KATNAL1: variants seen among roughly 807,000 people sequenced by gnomAD.
The protein encoded by KATNAL1 is katanin p60 ATPase-containing subunit A-like 1.
KATNAL1 carries 32 observed loss-of-function variants against 55.2 expected under a neutral mutation model. The observed-to-expected ratio is 0.58, with a 90% CI of 0.44 to 0.78. KATNAL1 has a LOEUF of 0.78. KATNAL1 is among the 30% of genes least tolerant of loss of function. The pLI, the probability that KATNAL1 is intolerant of heterozygous loss-of-function variation, is 0.00. For missense variants in KATNAL1, 466 were observed against 600.9 expected, an observed-to-expected ratio of 0.78 and a Z score of 2.35; for synonymous variants, 193 against 193.6, an observed-to-expected ratio of 1.00 and a Z score of 0.02.
chr13:30,223,795 G>A (rs1384635038), intron 9 of KATNAL1, among the ~76,000 whole-genome samples: 1 of 152,126 alleles, frequency 6.6e-6, no homozygotes, highest in Admixed American at 6.5e-5. Flanking sequence ...CTCAGTAACT[G>A]ACAGAAAAAC....
At chr13:30,261,044 A>AAG (rs1162464191) in intron 3 of KATNAL1, among the ~76,000 whole-genome samples, 1 of 152,048 alleles carries the variant, frequency 6.6e-6, no homozygotes, top group Non-Finnish European at 1.5e-5. Flanking sequence ...TACAAGCCAG[A>AAG]AGAGAGTGGG....
intron 4 of KATNAL1, among the ~76,000 whole-genome samples, chr13:30,241,888 G>C (rs1251440749): frequency 6.6e-6 from 1 of 152,160 alleles, no homozygotes; most frequent in Non-Finnish European, 1.5e-5. Context: ...TGACCAAACA[G>C]TATTCTGGTA....
At chr13:30,262,449 CA>C (rs1267821077) in intron 3 of KATNAL1, among the ~76,000 whole-genome samples, 1 of 151,374 alleles carries the variant, frequency 6.6e-6, no homozygotes, top group African/African-American at 2.4e-5. Context: ...TTGAAAGGAT[CA>C]AAAAAATGGA....
At chr13:30,288,385 G>A (rs952008654) in intron 1 of KATNAL1, among the ~76,000 whole-genome samples, 1 of 152,086 alleles carries the variant, frequency 6.6e-6, no homozygotes, top group Non-Finnish European at 1.5e-5. Context: ...CACTTACATC[G>A]AGTTCTAAAA....
Position 30,231,303 on chromosome 13 carries a change from T to C in KATNAL1, c.885+11A>G. The stretch of plus-strand genomic sequence containing the variant: ...CACACTACTTTGAAATCTGAATATA[T>C]CGTCACTCACCATCTCAAACAACAG... On this transcript the variant is annotated intron_variant, in intron 7 of 10. Coordinates refer to ENST00000380615, the MANE Select transcript of KATNAL1 (RefSeq NM_032116.5). 2.5e-6 allele frequency: 4 copies of C among 1,599,976 alleles called. No homozygotes were observed. The highest frequency in any genetic ancestry group is 3.4e-6 in the Non-Finnish European group (4 of 1,172,840).
intron 3 of KATNAL1, among the ~76,000 whole-genome samples, chr13:30,262,449 C>A (rs545722962): frequency 6.6e-6 from 1 of 151,370 alleles, no homozygotes; most frequent in East Asian, 1.9e-4. Flanking sequence ...TTGAAAGGAT[C>A]AAAAAAATGG....
At chr13:30,211,130 A>C (rs188114713) in intron 9 of KATNAL1, among the ~76,000 whole-genome samples, 72 of 152,336 alleles carry the variant, frequency 4.7e-4, no homozygotes, top group Admixed American at 4.2e-3. Context: ...AAGATAATGC[A>C]TTACTAGTTT....
intron 4 of KATNAL1, among the ~76,000 whole-genome samples, chr13:30,243,025 T>C (rs181165140): frequency 6.6e-6 from 1 of 152,266 alleles, no homozygotes; most frequent in African/African-American, 2.4e-5. Flanking sequence ...AAAGCTAACC[T>C]CTCCAAGATA....
chr13:30,271,878 GAAAAAAAAAAAA>G (rs71299873), intron 3 of KATNAL1, among the ~76,000 whole-genome samples: 5 of 76,792 alleles, frequency 6.5e-5, no homozygotes, highest in Admixed American at 1.5e-4. Context: ...AAGAAAAGAG[GAAAAAAAAAAAA>G]AAAAAAAAAA....
intron 6 of KATNAL1, among the ~76,000 whole-genome samples, chr13:30,236,278 C>A (rs1250086689): frequency 1.3e-5 from 2 of 152,150 alleles, no homozygotes; most frequent in African/African-American, 4.8e-5. Context: ...ATAAGAGTGA[C>A]CTGGGGACCC....
chr13:30,281,065 C>A (rs578043062), intron 2 of KATNAL1, among the ~76,000 whole-genome samples: 3 of 134,332 alleles, frequency 2.2e-5, no homozygotes, highest in African/African-American at 5.9e-5. Context: ...CCCAGGAGTT[C>A]GAGGCTACAA....
chr13:30,252,439 T>C (rs1037495674), intron 4 of KATNAL1, among the ~76,000 whole-genome samples: 1 of 152,214 alleles, frequency 6.6e-6, no homozygotes, highest in Non-Finnish European at 1.5e-5. Context: ...CAATTTTTTT[T>C]ACATCTATAA....
chr13:30,252,202 G>A (rs1878380642), intron 4 of KATNAL1, among the ~76,000 whole-genome samples: 1 of 152,158 alleles, frequency 6.6e-6, no homozygotes, highest in Non-Finnish European at 1.5e-5. Flanking sequence ...AAATAATGCT[G>A]AGCTCACAGG....
rs1378334855 is a variant in KATNAL1 at position 30,206,908 on chromosome 13, AT to A, written c.*1631del. Reference sequence around the variant, plus strand: ...AAATCATGATGTCTTATGATCTGGCATCTTATAATCTGTGTCTCAGAAAGAA... The same window carrying A: ...AAATCATGATGTCTTATGATCTGGCACTTATAATCTGTGTCTCAGAAAGAA... On this transcript the variant is annotated 3_prime_UTR_variant, in exon 11 of 11. Coordinates refer to ENST00000380615, the MANE Select transcript of KATNAL1 (RefSeq NM_032116.5). 3 of 152,312 alleles carry A rather than the reference AT, an allele frequency of 2.0e-5. No individual in the cohort carries two copies. The East Asian group carries it at 5.8e-4, about 29-fold the overall frequency. 9.4% of individuals were successfully genotyped at this position (152,312 alleles called of 1,614,324 possible).
intron 9 of KATNAL1, among the ~76,000 whole-genome samples, chr13:30,217,870 C>T (rs1874445980): frequency 6.6e-6 from 1 of 152,128 alleles, no homozygotes; most frequent in Non-Finnish European, 1.5e-5. Flanking sequence ...AGTCAACAAA[C>T]AGGACTCTGG....
intron 9 of KATNAL1, among the ~76,000 whole-genome samples, chr13:30,212,268 G>T (rs1054509602): frequency 2.0e-4 from 30 of 152,224 alleles, no homozygotes; most frequent in African/African-American, 7.0e-4. Flanking sequence ...ATAAGTTACA[G>T]AGTTTGAGAA....
intron 1 of KATNAL1, among the ~76,000 whole-genome samples, chr13:30,297,132 G>A (rs1259434705): frequency 6.8e-6 from 1 of 147,600 alleles, no homozygotes; most frequent in East Asian, 2.0e-4. Context: ...GACAGAGTGA[G>A]ACCCTGCCTC....
chr13:30,202,667 A>T lies in KATNAL1; in HGVS notation c.*5873T>A, dbSNP rs767218578. ...CTCTATAAATTTATTACCAAATATA[A>T]CCTATGCACAAACACAGCTAAGCTA... On this transcript the variant is annotated 3_prime_UTR_variant, in exon 11 of 11. Coordinates refer to ENST00000380615, the MANE Select transcript of KATNAL1 (RefSeq NM_032116.5). The T allele has an allele frequency of 1.3e-5, 2 of 152,244 alleles. No homozygotes were observed. The highest frequency in any genetic ancestry group is 2.9e-5 in the Non-Finnish European group (2 of 68,052). The allele number at this position is 152,244 out of a possible 1,614,324, so 9.4% of individuals were successfully genotyped here. A position where few individuals can be genotyped will look rare whatever the true frequency, so the allele number is the denominator to read the frequency against.
chr13:30,258,795 C>T (rs1000436614), intron 3 of KATNAL1, among the ~76,000 whole-genome samples: 1 of 152,084 alleles, frequency 6.6e-6, no homozygotes, highest in South Asian at 2.1e-4. Context: ...TCAATTACCC[C>T]AGAAGCATTT....
Sources: gnomAD v4.1 joint callset for allele counts (sites outside exome capture counted in the v4.1 genomes callset) on GRCh38, gnomAD v4.1.1 for gene constraint, MANE v1.5 for transcripts, NCBI Gene and HGNC (gene_info 2026-07-23, HGNC 2026-07-21) for gene names.